Variants in KCNJ3 observed in about 807,000 individuals in gnomAD.
The protein encoded by KCNJ3 is G protein-activated inward rectifier potassium channel 1.
Under a neutral mutation model 39.2 loss-of-function variants are expected in KCNJ3, and 4 were observed. The ratio of observed to expected loss-of-function variants is 0.10; its 90% CI spans 0.05 to 0.23. KCNJ3 has a LOEUF of 0.23. Among genes scored for constraint, KCNJ3 ranks in the 10% least tolerant of loss-of-function variants. The probability of loss-of-function intolerance (pLI) is 1.00; values close to 1 mark genes in which losing one functional copy is unlikely to be tolerated. For missense variants in KCNJ3, 276 were observed against 634.9 expected, an observed-to-expected ratio of 0.43 and a Z score of 6.08; for synonymous variants, 230 against 237.4, an observed-to-expected ratio of 0.97 and a Z score of 0.29.
chr2:154,846,328 AT>A, intron 2 of KCNJ3, among the ~76,000 whole-genome samples: 1 of 152,278 alleles, frequency 6.6e-6, no homozygotes, highest in East Asian at 1.9e-4. Context: ...CTAAAGAATT[AT>A]TTAAAATATA....
intron 2 of KCNJ3, among the ~76,000 whole-genome samples, chr2:154,763,188 T>G: frequency 6.6e-6 from 1 of 152,194 alleles, no homozygotes; most frequent in East Asian, 1.9e-4. Context: ...CTTTTAAATT[T>G]GTTTTATATG....
chr2:154,766,634 G>A (rs891776220), intron 2 of KCNJ3, among the ~76,000 whole-genome samples: 5 of 152,038 alleles, frequency 3.3e-5, no homozygotes, highest in Non-Finnish European at 7.4e-5. Context: ...TTGGCTCACT[G>A]AAACCTCCAC....
At chr2:154,844,687 C>G (rs1046307101) in intron 2 of KCNJ3, among the ~76,000 whole-genome samples, 6 of 152,176 alleles carry the variant, frequency 3.9e-5, no homozygotes, top group Non-Finnish European at 8.8e-5. Context: ...GCTACCACCT[C>G]GCAGATTGAT....
intron 2 of KCNJ3, among the ~76,000 whole-genome samples, chr2:154,747,194 G>A (rs908583385): frequency 1.2e-4 from 18 of 151,884 alleles, no homozygotes; most frequent in African/African-American, 4.4e-4. Flanking sequence ...AAGGAAGTCA[G>A]TATTATACTT....
chr2:154,760,074 A>G (rs975821622), intron 2 of KCNJ3, among the ~76,000 whole-genome samples: 1 of 152,200 alleles, frequency 6.6e-6, no homozygotes, highest in Non-Finnish European at 1.5e-5. Context: ...TGCTCTGCTA[A>G]GTGATTACTC....
intron 2 of KCNJ3, among the ~76,000 whole-genome samples, chr2:154,812,335 G>A (rs1437043069): frequency 1.5e-4 from 23 of 152,094 alleles, no homozygotes; most frequent in Admixed American, 1.5e-3. Context: ...AATTTTGACA[G>A]ACTGCCTTGT....
chr2:154,809,525 G>T (rs1186580337), intron 2 of KCNJ3, among the ~76,000 whole-genome samples: 1 of 152,154 alleles, frequency 6.6e-6, no homozygotes, highest in Non-Finnish European at 1.5e-5. Context: ...ACAAGGCAGA[G>T]AATAAGTAAC....
chr2:154,835,015 T>C (rs1687428887), intron 2 of KCNJ3, among the ~76,000 whole-genome samples: 1 of 151,894 alleles, frequency 6.6e-6, no homozygotes, highest in Non-Finnish European at 1.5e-5. Flanking sequence ...CCTATTTTTT[T>C]TTTTAAATAT....
chr2:154,776,975 A>T (rs545344572), intron 2 of KCNJ3, among the ~76,000 whole-genome samples: 2 of 152,214 alleles, frequency 1.3e-5, no homozygotes, highest in Admixed American at 1.3e-4. Flanking sequence ...CCATTTCTTA[A>T]TGTTCCAAGG....
chr2:154,717,780 G>A (rs1221182288), intron 2 of KCNJ3, among the ~76,000 whole-genome samples: 1 of 152,128 alleles, frequency 6.6e-6, no homozygotes, highest in Non-Finnish European at 1.5e-5. Context: ...AGGTGTACCT[G>A]TAATTTTCCT....
rs759379496 is a variant in KCNJ3 at position 154,699,417 on chromosome 2, G to T, written c.642G>T (p.Arg214=). The T allele has an allele frequency of 3.9e-5, 63 of 1,604,706 alleles. No individual in the cohort carries two copies. In the Admixed American group the frequency reaches 1.0e-3, roughly 26 times the overall value. The change falls in exon 1 of 3, where the codon CGG becomes CGT. Residue 214 remains arginine (R), a synonymous_variant. Transcript: ENST00000295101. The surrounding 1 kb of genome is among the most constrained non-coding windows in gnomAD (Gnocchi z 6.4). ...ACGGAAAACTCACGCTTATGTTCCG[G>T]GTGGGCAACCTGCGCAACAGCCACA... ...MRDGKLTLMF[R]VGNLRNSHMV...
chr2:154,798,218 ACACG>A (rs368219791), intron 2 of KCNJ3, among the ~76,000 whole-genome samples: 1,653 of 116,126 alleles, frequency 0.014, 16 homozygotes, highest in Admixed American at 0.018. Context: ...ACACACACAC[ACACG>A]CACAGAGTCT....
intron 2 of KCNJ3, among the ~76,000 whole-genome samples, chr2:154,745,397 C>A (rs1473198146): frequency 6.6e-6 from 1 of 151,832 alleles, no homozygotes; most frequent in Non-Finnish European, 1.5e-5. Flanking sequence ...ATTTTTAAAT[C>A]TCTGCTTTTA....
chr2:154,759,106 A>G (rs1482003362), intron 2 of KCNJ3, among the ~76,000 whole-genome samples: 1 of 152,328 alleles, frequency 6.6e-6, no homozygotes, highest in East Asian at 1.9e-4. Context: ...TCCTTCTATT[A>G]AATGCCCATT....
chr2:154,806,654 A>G (rs1448162457), intron 2 of KCNJ3, among the ~76,000 whole-genome samples: 2 of 152,122 alleles, frequency 1.3e-5, no homozygotes, highest in Non-Finnish European at 2.9e-5. Context: ...TTGTGGCCCT[A>G]CATATTCTTA....
chr2:154,851,762 C>G (rs1025463682), intron 2 of KCNJ3, among the ~76,000 whole-genome samples: 20 of 152,086 alleles, frequency 1.3e-4, no homozygotes, highest in Non-Finnish European at 2.9e-4. Context: ...TATTTTAATG[C>G]CAACAAACAT....
intron 2 of KCNJ3, among the ~76,000 whole-genome samples, chr2:154,816,331 A>G (rs1482010981): frequency 6.6e-6 from 1 of 152,204 alleles, no homozygotes; most frequent in Non-Finnish European, 1.5e-5. Context: ...TCTACACTAC[A>G]GTTTGGATGT....
chr2:154,753,815 A>G (rs1050123997), intron 2 of KCNJ3, among the ~76,000 whole-genome samples: 1 of 152,184 alleles, frequency 6.6e-6, no homozygotes, highest in African/African-American at 2.4e-5. Context: ...TTGTTCATTT[A>G]TTCAAGAAAT....
At chr2:154,825,901 T>C (rs1246358324) in intron 2 of KCNJ3, among the ~76,000 whole-genome samples, 1 of 150,988 alleles carries the variant, frequency 6.6e-6, no homozygotes, top group East Asian at 2.0e-4. Flanking sequence ...TAATTATTAA[T>C]GTTAACCTAT....
Sources: gnomAD v4.1 joint callset for allele counts (sites outside exome capture counted in the v4.1 genomes callset) on GRCh38, gnomAD v4.1.1 for gene constraint, Gnocchi (gnomAD v3.1) non-coding constraint, MANE v1.5 for transcripts, NCBI Gene and HGNC (gene_info 2026-07-23, HGNC 2026-07-21) for gene names.